MTRR: variants seen among roughly 807,000 people sequenced by gnomAD.
The protein encoded by MTRR is methionine synthase reductase.
MTRR carries 63 observed loss-of-function variants against 79.2 expected under a neutral mutation model. The observed-to-expected ratio is 0.80, with a 90% CI of 0.65 to 0.98. The LOEUF is 0.98. Among genes scored for constraint, MTRR ranks in the 50% least tolerant of loss-of-function variants. MTRR has a pLI of 0.00. For synonymous variants in MTRR, 355 were observed against 313.3 expected, an observed-to-expected ratio of 1.13 and a Z score of -1.41; for missense variants, 895 against 839.6, an observed-to-expected ratio of 1.07 and a Z score of -0.82.
intron 14 of MTRR, 139 bp from the exon 15 acceptor site, chr5:7,899,775 G>C (rs1355165797): frequency 8.6e-7 from 1 of 1,163,536 alleles, no homozygotes; most frequent in African/African-American, 1.5e-5. Flanking sequence ...GTGAGGCTGG[G>C]AGATCTGTGT....
At chr5:7,883,104 A>G (rs1359161741) in intron 5 of MTRR, 51 bp from the exon 6 acceptor site, 1 of 1,613,456 alleles carries the variant, frequency 6.2e-7, no homozygotes, top group East Asian at 2.2e-5. Context: ...TAATTGAAAG[A>G]AGGGTATAAT....
upstream of MTRR, chr5:7,869,050 C>A: frequency 6.6e-7 from 1 of 1,523,768 alleles, no homozygotes; most frequent in Non-Finnish European, 9.1e-7. Context: ...GTAGCAAACG[C>A]GGGGCGGGAG....
intron 9 of MTRR, chr5:7,890,159 T>C (rs540670219): frequency 3.1e-6 from 2 of 653,920 alleles, no homozygotes; most frequent in South Asian, 6.8e-5. Flanking sequence ...ATGTATATTG[T>C]CCTTTTTACT....
At position 7,870,938 on chromosome 5, in the gene MTRR, A is replaced by T; in HGVS notation, c.129+15A>T. The T allele has an allele frequency of 6.2e-7, 1 of 1,614,164 alleles. No individual in the cohort carries two copies. The highest frequency in any genetic ancestry group is 8.5e-7 in the Non-Finnish European group (1 of 1,179,984). ...AATCCGATAAGGTTAGAGCCGTTAC[A>T]GTGGATTTTACCGTTTTGTGCTTTG... is the stretch of plus-strand genomic sequence containing the variant. On this transcript the variant is annotated intron_variant, in intron 2 of 14. Coordinates refer to ENST00000440940, the MANE Select transcript of MTRR (RefSeq NM_002454.3).
chr5:7,856,874 T>C (rs547968572), intron 1 of MTRR: 6 of 150,472 alleles, frequency 4.0e-5, no homozygotes, highest in African/African-American at 1.5e-4. Context: ...ATTCCTCACA[T>C]AGAGGAAGGC....
At chr5:7,867,084 G>T, upstream of MTRR, 1 of 1,614,144 alleles carries the variant, frequency 6.2e-7, no homozygotes, top group Non-Finnish European at 8.5e-7. Flanking sequence ...ACTCTCCTAA[G>T]CTCCTCGTTA....
intron 9 of MTRR, chr5:7,890,393 A>G (rs1253221470): frequency 1.0e-6 from 1 of 985,284 alleles, no homozygotes; most frequent in African/African-American, 1.7e-5. Context: ...ATCAGCAGGA[A>G]TAGGATGACA....
chr5:7,896,787 TG>T, intron 12 of MTRR, 76 bp from the exon 13 acceptor site: 1 of 1,099,966 alleles, frequency 9.1e-7, no homozygotes, highest in Non-Finnish European at 1.4e-6. Context: ...AGTTTGTTGG[TG>T]GTAGTTCCTA....
intron 6 of MTRR, 82 bp downstream of exon 6, chr5:7,883,359 C>G (rs903281196): frequency 7.0e-6 from 11 of 1,574,886 alleles, no homozygotes; most frequent in South Asian, 4.5e-5. Context: ...GTTATATATG[C>G]TGAGTGGTGT....
chr5:7,889,374 C>G, intron 9 of MTRR, 99 bp downstream of exon 9: 1 of 1,263,316 alleles, frequency 7.9e-7, no homozygotes, highest in Non-Finnish European at 1.1e-6. Context: ...TTGTCTTACC[C>G]TTTGTATCCT....
chr5:7,875,828 T>C (rs1255476579), intron 4 of MTRR, among the ~76,000 whole-genome samples: 2 of 152,266 alleles, frequency 1.3e-5, no homozygotes, highest in Admixed American at 1.3e-4. Flanking sequence ...TTGCTTGGCG[T>C]GCTCTTACCG....
chr5:7,867,376 T>A, upstream of MTRR: 1 of 1,614,212 alleles, frequency 6.2e-7, no homozygotes, highest in Non-Finnish European at 8.5e-7. Flanking sequence ...TAATGAGTTC[T>A]AGTGTCACAC....
chr5:7,867,003 C>CTGTGCCTAG (rs756001427), upstream of MTRR: 8 of 1,614,038 alleles, frequency 5.0e-6, no homozygotes, highest in African/African-American at 4.0e-5. Context: ...AGGCACACCG[C>CTGTGCCTAG]AGCTACACGA....
intron 8 of MTRR, among the ~76,000 whole-genome samples, chr5:7,887,790 G>A (rs1299663367): frequency 1.6e-5 from 1 of 63,554 alleles, no homozygotes; most frequent in African/African-American, 8.9e-5. Flanking sequence ...GTGTGTGTGT[G>A]TGCATATATA....
chr5:7,857,408 C>A (rs1434746129), intron 1 of MTRR, among the ~76,000 whole-genome samples: 1 of 152,210 alleles, frequency 6.6e-6, no homozygotes, highest in Non-Finnish European at 1.5e-5. Flanking sequence ...TTATATCTCT[C>A]TATTAGCCTA....
At chr5:7,896,801 G>T (rs1178580538) in intron 12 of MTRR, 63 bp from the exon 13 acceptor site, 2 of 1,297,032 alleles carry the variant, frequency 1.5e-6, no homozygotes, top group Non-Finnish European at 2.2e-6. Flanking sequence ...AGTTCCTAAT[G>T]AAAGAGATTG....
chr5:7,890,838 T>A (rs145601468), intron 9 of MTRR, among the ~76,000 whole-genome samples: 2,545 of 152,244 alleles, frequency 0.017, 33 homozygotes, highest in Non-Finnish European at 0.025. Context: ...AAATCACTGA[T>A]TTTTTTTGAT....
At chr5:7,884,545 T>C (rs1736104152) in intron 6 of MTRR, among the ~76,000 whole-genome samples, 1 of 152,222 alleles carries the variant, frequency 6.6e-6, no homozygotes, top group Non-Finnish European at 1.5e-5. Flanking sequence ...ATATTTTCCA[T>C]TCAGGTTTGG....
At chr5:7,880,337 A>T (rs1266146422) in intron 5 of MTRR, among the ~76,000 whole-genome samples, 2 of 152,226 alleles carry the variant, frequency 1.3e-5, no homozygotes, top group Non-Finnish European at 2.9e-5. Flanking sequence ...TTCCAGCGCA[A>T]AGTGAACTGT....
Sources: allele counts gnomAD v4.1 joint callset (sites outside exome capture counted in the v4.1 genomes callset), GRCh38; gene constraint gnomAD v4.1.1; transcripts MANE v1.5; gene names NCBI Gene and HGNC (gene_info 2026-07-23, HGNC 2026-07-21).